Variants in MAD1L1 observed in about 807,000 individuals in gnomAD.
MAD1L1 encodes mitotic arrest deficient 1 like 1.
In MAD1L1, 95 loss-of-function variants were observed where a neutral mutation model predicts 96.9. The observed-to-expected ratio is 0.98, with a 90% confidence interval of 0.83 to 1.16. The LOEUF (loss-of-function observed/expected upper bound fraction) is 1.16, where lower values mean the gene tolerates loss of function less well. Ranked by LOEUF, MAD1L1 falls within the 50% of genes most tolerant of loss-of-function variation. The probability of loss-of-function intolerance (pLI) is 0.00; values close to 1 mark genes in which losing one functional copy is unlikely to be tolerated. For missense variants in MAD1L1, 1,007 were observed against 954.4 expected (o/e 1.06, Z -0.73); for synonymous variants, 473 against 396.6 (o/e 1.19, Z -2.29).
intron 11 of MAD1L1, among the ~76,000 whole-genome samples, chr7:2,096,975 C>T (rs1206007303): frequency 1.3e-5 from 2 of 152,216 alleles, no homozygotes; most frequent in Non-Finnish European, 2.9e-5. Flanking sequence ...AATGACAGCG[C>T]ACCCGGGGAC....
At chr7:1,940,841 G>A (rs894154620) in intron 16 of MAD1L1, among the ~76,000 whole-genome samples, 67 of 150,912 alleles carry the variant, frequency 4.4e-4, no homozygotes, top group South Asian at 1.3e-3. Flanking sequence ...CTGCACAGAA[G>A]GCGGGGCTGT....
intron 12 of MAD1L1, among the ~76,000 whole-genome samples, chr7:2,065,944 G>A (rs537109809): frequency 6.6e-6 from 1 of 152,346 alleles, no homozygotes; most frequent in East Asian, 1.9e-4. Context: ...GGAAGCTTGG[G>A]GCACTGGAGA....
In MAD1L1 at chr7:2,146,494, C is replaced by T. The variant is rs554069169; in HGVS notation, c.1073+2658G>A. Among the ~76,000 whole-genome samples, 2 of 152,322 alleles carry T rather than the reference C, an allele frequency of 1.3e-5. No individual in the cohort carries two copies. Among genetic ancestry groups the T allele is most frequent in the South Asian group, 2.1e-4 (1 of 4,818 alleles). On this transcript the variant is annotated intron_variant, in intron 11 of 18. Transcript: ENST00000265854. The surrounding 1 kb of genome is among the most constrained non-coding windows in gnomAD (Gnocchi z 6.2). The stretch of plus-strand genomic sequence containing the variant: ...GTTCACTACCAGGGAAAGATGGACA[C>T]GGCCAACATACTTGGTAAAAACTGC...
intron 16 of MAD1L1, among the ~76,000 whole-genome samples, chr7:1,941,136 G>A (rs117997541): frequency 3.3e-5 from 5 of 152,200 alleles, no homozygotes; most frequent in Non-Finnish European, 1.5e-5. Flanking sequence ...AGCAGATAGG[G>A]GGACTTGCAG....
intron 10 of MAD1L1, among the ~76,000 whole-genome samples, chr7:2,202,439 C>T (rs1171912318): frequency 6.6e-6 from 1 of 152,224 alleles, no homozygotes; most frequent in Non-Finnish European, 1.5e-5. Flanking sequence ...CTGCACACCA[C>T]AGACGCACAG....
chr7:1,936,472 G>A (rs185403904), intron 17 of MAD1L1, among the ~76,000 whole-genome samples: 59 of 152,324 alleles, frequency 3.9e-4, no homozygotes, highest in African/African-American at 1.3e-3. Flanking sequence ...CTGCAGACTC[G>A]GATGGCTCCA....
Position 2,222,643 on chromosome 7 carries a change from G to A in MAD1L1, c.403C>T (p.Gln135Ter). The A allele has an allele frequency of 6.2e-7, 1 of 1,613,366 alleles. No individual in the cohort carries two copies. Residue 135 changes from glutamine to a stop codon, truncating the protein, a stop_gained, in exon 5 of 19, where the codon CAG (glutamine) becomes TAG (stop). Transcript: ENST00000265854. LOFTEE classifies it high-confidence loss of function. ...TTGCTGGCAGCATCCAAGTTCTGCT[G>A]ACACTGCCTGTTGCGCTCCAGCTGC... The part of the protein sequence containing the change: ...QEQLERNRQC[Q>*]QNLDAASKRL...
intron 12 of MAD1L1, among the ~76,000 whole-genome samples, chr7:2,063,091 C>T (rs10261796): frequency 0.046 from 7,014 of 152,308 alleles, 264 homozygotes; most frequent in African/African-American, 0.096. Context: ...CGTCTGACAG[C>T]GGAGGCTGTT....
intron 18 of MAD1L1, among the ~76,000 whole-genome samples, chr7:1,842,037 A>G (rs1783293304): frequency 1.3e-5 from 2 of 152,148 alleles, no homozygotes; most frequent in Non-Finnish European, 2.9e-5. Context: ...ATCCGCTGCA[A>G]ATTGCCTTGT....
At chr7:1,937,233 G>A (rs1282665597) in intron 16 of MAD1L1, among the ~76,000 whole-genome samples, 3 of 152,182 alleles carry the variant, frequency 2.0e-5, no homozygotes, top group Non-Finnish European at 4.4e-5. Flanking sequence ...GCCCGGGAGG[G>A]AGGCTTCCTC....
intron 15 of MAD1L1, among the ~76,000 whole-genome samples, chr7:1,958,832 A>G (rs1252241206): frequency 6.6e-6 from 1 of 152,262 alleles, no homozygotes; most frequent in South Asian, 2.1e-4. Context: ...TCAGACTCGG[A>G]AGAGACACAG....
intron 15 of MAD1L1, among the ~76,000 whole-genome samples, chr7:1,960,922 A>G (rs556916793): frequency 1.3e-4 from 20 of 152,364 alleles, no homozygotes; most frequent in Admixed American, 1.1e-3. Flanking sequence ...TAGGAATTTC[A>G]TAATTCTAAC....
chr7:2,211,032 CG>C (rs1310342253), intron 10 of MAD1L1, among the ~76,000 whole-genome samples: 2 of 152,168 alleles, frequency 1.3e-5, no homozygotes, highest in Non-Finnish European at 2.9e-5. Flanking sequence ...CTGTTGGTGG[CG>C]GGGGGCAGGG....
At chr7:2,096,603 C>T (rs948110014) in intron 11 of MAD1L1, among the ~76,000 whole-genome samples, 18 of 152,168 alleles carry the variant, frequency 1.2e-4, no homozygotes, top group African/African-American at 4.3e-4. Context: ...TTGAAGACTT[C>T]GAGGACAGCT....
intron 15 of MAD1L1, among the ~76,000 whole-genome samples, chr7:1,979,240 C>T (rs1035292497): frequency 5.0e-4 from 76 of 152,288 alleles, no homozygotes; most frequent in African/African-American, 1.8e-3. Context: ...CCACTGCCAC[C>T]CCCATCTCAC....
intron 12 of MAD1L1, among the ~76,000 whole-genome samples, chr7:2,038,808 T>C (rs978798876): frequency 6.6e-6 from 1 of 152,084 alleles, no homozygotes; most frequent in Non-Finnish European, 1.5e-5. Flanking sequence ...TCAGCTACTG[T>C]GCCTGATCTA....
At chr7:2,203,677 A>G (rs1204740242) in intron 10 of MAD1L1, among the ~76,000 whole-genome samples, 2 of 152,222 alleles carry the variant, frequency 1.3e-5, no homozygotes, top group Non-Finnish European at 2.9e-5. Flanking sequence ...GGGGCCAAAA[A>G]ACTGTCAAAA....
chr7:1,841,027 C>T (rs2128632413), intron 18 of MAD1L1, among the ~76,000 whole-genome samples: 1 of 152,350 alleles, frequency 6.6e-6, no homozygotes, highest in South Asian at 2.1e-4. Context: ...CAGCTCTCCA[C>T]TGCCGGCGGC....
chr7:1,949,149 C>A (rs1228137104), intron 16 of MAD1L1, among the ~76,000 whole-genome samples: 1 of 142,254 alleles, frequency 7.0e-6, no homozygotes, highest in Non-Finnish European at 1.5e-5. Context: ...CGGGGCACGG[C>A]CCCTAGAGCT....
Sources: gnomAD v4.1 joint callset for allele counts (sites outside exome capture counted in the v4.1 genomes callset) on GRCh38, gnomAD v4.1.1 for gene constraint, Gnocchi (gnomAD v3.1) non-coding constraint, MANE v1.5 for transcripts, NCBI Gene and HGNC (gene_info 2026-07-23, HGNC 2026-07-21) for gene names.